Variants in ANKRD6 observed in about 807,000 individuals in gnomAD.
ANKRD6 encodes ankyrin repeat domain-containing protein 6.
ANKRD6 carries 56 observed loss-of-function variants against 82.3 expected under a neutral mutation model. That is an observed-to-expected ratio of 0.68 (90% CI 0.55 to 0.85). ANKRD6 has a LOEUF of 0.85. Among genes scored for constraint, ANKRD6 ranks in the 40% least tolerant of loss-of-function variants. ANKRD6 has a pLI of 0.00. For missense variants in ANKRD6, 852 were observed against 907.6 expected (o/e 0.94, Z 0.79); for synonymous variants, 347 against 352.1 (o/e 0.99, Z 0.16).
At chr6:89,455,882 C>CT (rs371404602) in intron 1 of ANKRD6, among the ~76,000 whole-genome samples, 39 of 149,632 alleles carry the variant, frequency 2.6e-4, no homozygotes, top group South Asian at 1.1e-3. Flanking sequence ...CTCTCTCTCT[C>CT]TTTTTTTTTT....
intron 1 of ANKRD6, among the ~76,000 whole-genome samples, chr6:89,434,230 C>T (rs1038052839): frequency 3.3e-5 from 5 of 152,182 alleles, no homozygotes; most frequent in Non-Finnish European, 7.3e-5. Context: ...AGGTATTGTA[C>T]ATAACCTCGT....
intron 1 of ANKRD6, among the ~76,000 whole-genome samples, chr6:89,477,032 C>A (rs1179389458): frequency 6.6e-6 from 1 of 152,244 alleles, no homozygotes; most frequent in Non-Finnish European, 1.5e-5. Flanking sequence ...GCAAGCTCCG[C>A]CTCACGGGTT....
intron 1 of ANKRD6, among the ~76,000 whole-genome samples, chr6:89,496,544 A>G (rs1284023589): frequency 6.6e-6 from 1 of 152,156 alleles, no homozygotes; most frequent in African/African-American, 2.4e-5. Context: ...TTATTTTGAG[A>G]TGGAGTCTCT....
Position 89,469,156 on chromosome 6 carries a change from A to C in ANKRD6, c.-144+35781A>C, listed in dbSNP as rs183910689. 6.6e-5 allele frequency among the ~76,000 whole-genome samples: 10 copies of C among 152,380 alleles called. No homozygotes were observed. In the East Asian group the frequency reaches 1.9e-3, roughly 29 times the overall value. On this transcript the variant is annotated intron_variant, in intron 1 of 15. Transcript: ENST00000339746. The stretch of plus-strand genomic sequence containing the variant: ...ATGCTTAATGGAAAATATTAACAGC[A>C]TAACCTCATATAATCAACTCAATCT...
At chr6:89,623,639 T>C in intron 11 of ANKRD6, 95 bp downstream of exon 11, 2 of 1,484,154 alleles carry the variant, frequency 1.3e-6, no homozygotes, top group Non-Finnish European at 9.0e-7. Flanking sequence ...AAAAAGCCAC[T>C]CACTTGGCTG....
intron 1 of ANKRD6, among the ~76,000 whole-genome samples, chr6:89,542,746 A>G (rs1784587421): frequency 6.6e-6 from 1 of 152,224 alleles, no homozygotes; most frequent in Non-Finnish European, 1.5e-5. Context: ...TGTTTGGATC[A>G]GCTCTGACAC....
intron 1 of ANKRD6, among the ~76,000 whole-genome samples, chr6:89,528,771 A>T: frequency 6.6e-6 from 1 of 152,236 alleles, no homozygotes; most frequent in East Asian, 1.9e-4. Context: ...GGGCTGAAGG[A>T]TGGATGTTTT....
At chr6:89,472,775 C>T (rs763238739) in intron 1 of ANKRD6, among the ~76,000 whole-genome samples, 4 of 152,146 alleles carry the variant, frequency 2.6e-5, no homozygotes, top group Non-Finnish European at 4.4e-5. Context: ...CATTCAGAGA[C>T]GGTTCTGCCG....
At chr6:89,516,895 G>A (rs899234631) in intron 1 of ANKRD6, among the ~76,000 whole-genome samples, 65 of 152,084 alleles carry the variant, frequency 4.3e-4, no homozygotes, top group Admixed American at 2.0e-3. Flanking sequence ...TGGAGACAGA[G>A]CTTTACTGTG....
intron 1 of ANKRD6, among the ~76,000 whole-genome samples, chr6:89,488,576 C>T (rs2127831685): frequency 6.6e-6 from 1 of 152,304 alleles, no homozygotes; most frequent in Admixed American, 6.5e-5. Flanking sequence ...TCAGGATTCT[C>T]AGATTTCTGA....
At chr6:89,514,233 C>G (rs1280440635) in intron 1 of ANKRD6, among the ~76,000 whole-genome samples, 1 of 152,124 alleles carries the variant, frequency 6.6e-6, no homozygotes. Flanking sequence ...AAAAAATTAG[C>G]CGGGCATTGT....
At chr6:89,439,020 A>T (rs1771010369) in intron 1 of ANKRD6, among the ~76,000 whole-genome samples, 1 of 152,164 alleles carries the variant, frequency 6.6e-6, no homozygotes, top group Non-Finnish European at 1.5e-5. Flanking sequence ...ACACTGTATA[A>T]ATAAAATGTT....
In ANKRD6 at chr6:89,596,014, T is replaced by C. The variant is rs752689880; in HGVS notation, c.219T>C (p.Asp73=). 1.0e-5 allele frequency: 16 copies of C among 1,604,964 alleles called. No individual in the cohort carries two copies. Among genetic ancestry groups the C allele is most frequent in the African/African-American group, 1.3e-5 (1 of 74,838 alleles). The change falls in exon 3 of 16, where the codon GAT becomes GAC. Residue 73 remains aspartate (D), a splice_region_variant and synonymous_variant. Transcript: ENST00000339746. Reference sequence around the variant, plus strand: ...GCTGCGACCTTGATGTCCAGGATGATGTGAGTAGAAGCCATCATTCTATCA... The same window carrying C: ...GCTGCGACCTTGATGTCCAGGATGACGTGAGTAGAAGCCATCATTCTATCA... The part of the protein sequence containing the change: ...KAGCDLDVQD[D]GDQTALHRAT...
chr6:89,629,646 A>C (rs1806904482), intron 15 of ANKRD6, among the ~76,000 whole-genome samples: 1 of 152,170 alleles, frequency 6.6e-6, no homozygotes. Context: ...TTGTCCAACT[A>C]TGCAAATCCT....
intron 1 of ANKRD6, among the ~76,000 whole-genome samples, chr6:89,492,002 A>T (rs1284457223): frequency 6.6e-6 from 1 of 152,184 alleles, no homozygotes; most frequent in African/African-American, 2.4e-5. Context: ...ATAAAAAAAT[A>T]CATGTTTCCC....
At chr6:89,629,074 C>T (rs2128282252) in intron 14 of ANKRD6, 38 bp from the exon 15 acceptor site, 4 of 1,586,702 alleles carry the variant, frequency 2.5e-6, no homozygotes, top group Non-Finnish European at 3.4e-6. Context: ...CTTGATTCTT[C>T]TATGTACTTA....
rs565992650 is a variant in ANKRD6, at chr6:89,523,184, G to A, written c.-143-43650G>A. 8.5e-5 allele frequency among the ~76,000 whole-genome samples: 13 copies of A among 152,278 alleles called. No homozygotes were observed. The South Asian group carries it at 2.7e-3, about 32-fold the overall frequency. ...AGAAAAGGGTGTTTAAGGAGCTGTGGCACTATCAACTCTCAGGTTTGCGTT... is the reference window on the plus strand; with the variant it reads ...AGAAAAGGGTGTTTAAGGAGCTGTGACACTATCAACTCTCAGGTTTGCGTT... On this transcript the variant is annotated intron_variant, in intron 1 of 15. Coordinates refer to ENST00000339746, the MANE Select transcript of ANKRD6 (RefSeq NM_001242809.2).
At chr6:89,604,024 TGATA>T (rs950599411) in intron 4 of ANKRD6, among the ~76,000 whole-genome samples, 2 of 151,838 alleles carry the variant, frequency 1.3e-5, no homozygotes, top group African/African-American at 4.8e-5. Context: ...TAAATAAGAT[TGATA>T]GATAGATAGC....
At chr6:89,621,708 G>A in intron 9 of ANKRD6, 1 of 575,914 alleles carries the variant, frequency 1.7e-6, no homozygotes. Context: ...TGAGGTCAGG[G>A]ATAATATCCT....
Sources: allele counts gnomAD v4.1 joint callset (sites outside exome capture counted in the v4.1 genomes callset), GRCh38; gene constraint gnomAD v4.1.1; transcripts MANE v1.5; gene names NCBI Gene and HGNC (gene_info 2026-07-23, HGNC 2026-07-21).